The following TBC1D22A variants were observed in gnomAD, a reference collection of about 807,000 sequenced individuals.
TBC1D22A encodes TBC1 domain family member 22A, also known as putative GTPase activator.
A neutral mutation model predicts 60.2 loss-of-function variants in TBC1D22A; 38 were observed. The observed-to-expected ratio is 0.63, with a 90% CI of 0.49 to 0.83. The LOEUF is 0.83. Ranked by LOEUF, TBC1D22A falls within the 40% of genes least tolerant of loss-of-function variation. TBC1D22A has a pLI of 0.00. For synonymous variants in TBC1D22A, 302 were observed against 281.7 expected (o/e 1.07, Z -0.72); for missense variants, 628 against 701.0 (o/e 0.90, Z 1.18).
At chr22:46,888,102 T>C (rs905424518) in intron 5 of TBC1D22A, among the ~76,000 whole-genome samples, 2 of 152,232 alleles carry the variant, frequency 1.3e-5, no homozygotes, top group African/African-American at 2.4e-5. Flanking sequence ...AACTCCACAC[T>C]GTGCGCGTTC....
chr22:46,937,408 T>C (rs1303780302), intron 8 of TBC1D22A, among the ~76,000 whole-genome samples: 1 of 152,150 alleles, frequency 6.6e-6, no homozygotes, highest in Non-Finnish European at 1.5e-5. Flanking sequence ...CATTGTAATG[T>C]CTTAGCAGCA....
At chr22:47,132,372 CAG>C (rs1334210889) in intron 12 of TBC1D22A, among the ~76,000 whole-genome samples, 1 of 152,246 alleles carries the variant, frequency 6.6e-6, no homozygotes, top group Non-Finnish European at 1.5e-5. Context: ...AGAATGCAGC[CAG>C]AGAGAGCTTT....
chr22:46,794,818 G>T (rs193085527), intron 3 of TBC1D22A, among the ~76,000 whole-genome samples: 15 of 152,176 alleles, frequency 9.9e-5, no homozygotes, highest in South Asian at 2.1e-4. Flanking sequence ...GGAGGCAGGG[G>T]GTGAGGGGCA....
intron 10 of TBC1D22A, among the ~76,000 whole-genome samples, chr22:47,031,713 C>A (rs1393124450): frequency 6.6e-6 from 1 of 152,188 alleles, no homozygotes; most frequent in Non-Finnish European, 1.5e-5. Context: ...GACAGGTCCC[C>A]TCACCTGCCT....
intron 7 of TBC1D22A, among the ~76,000 whole-genome samples, chr22:46,909,527 G>A (rs1205590450): frequency 1.3e-5 from 2 of 152,206 alleles, no homozygotes; most frequent in Admixed American, 1.3e-4. Flanking sequence ...GATGTCAGTG[G>A]CCTCAGGCAC....
intron 1 of TBC1D22A, among the ~76,000 whole-genome samples, chr22:46,781,712 G>A (rs2083945531): frequency 6.6e-6 from 1 of 152,190 alleles, no homozygotes; most frequent in Non-Finnish European, 1.5e-5. Context: ...TCCCTGGCCT[G>A]CCCCGGAGTA....
At chr22:47,111,026 T>G (rs927889057) in intron 11 of TBC1D22A, among the ~76,000 whole-genome samples, 1 of 152,236 alleles carries the variant, frequency 6.6e-6, no homozygotes, top group Non-Finnish European at 1.5e-5. Flanking sequence ...ATTTCCCTGT[T>G]CATTTCCCAG....
In TBC1D22A at chr22:47,175,653, A is replaced by T. The variant is rs548042927; in HGVS notation, c.*2027A>T. 6.6e-6 allele frequency: 1 copy of T among 152,290 alleles called. No homozygotes were observed. Among genetic ancestry groups the T allele is most frequent in the East Asian group, 1.9e-4 (1 of 5,180 alleles). The allele number at this position is 152,290 out of a possible 1,614,324, so 9.4% of individuals were successfully genotyped here. A position where few individuals can be genotyped will look rare whatever the true frequency, so the allele number is the denominator to read the frequency against. ...GGAATGTTCGGGGTGTGCTGTCTGG[A>T]TGTGGTGCGCTAAAAACACGGAATA... On this transcript the variant is annotated 3_prime_UTR_variant, in exon 13 of 13. Transcript: ENST00000337137.
chr22:47,136,951 G>A (rs1489861078), intron 12 of TBC1D22A, among the ~76,000 whole-genome samples: 5 of 152,312 alleles, frequency 3.3e-5, no homozygotes, highest in Non-Finnish European at 7.3e-5. Context: ...GGGGCTGTGG[G>A]TGTCGCCAGC....
chr22:46,768,245 G>A (rs2146681620), intron 1 of TBC1D22A: 1 of 152,506 alleles, frequency 6.6e-6, no homozygotes, highest in South Asian at 2.1e-4. Flanking sequence ...AGCACTTTGG[G>A]AGGCTGAGGT....
chr22:46,811,505 G>A (rs1332205665), intron 4 of TBC1D22A, among the ~76,000 whole-genome samples: 4 of 152,326 alleles, frequency 2.6e-5, no homozygotes, highest in South Asian at 2.1e-4. Flanking sequence ...TCACTTAAGC[G>A]GAGAGTTGAG....
chr22:46,890,040 G>A (rs1459375641), intron 5 of TBC1D22A, among the ~76,000 whole-genome samples: 1 of 152,174 alleles, frequency 6.6e-6, no homozygotes, highest in East Asian at 1.9e-4. Context: ...AACCAACTGT[G>A]CTTCGAAAAT....
intron 4 of TBC1D22A, among the ~76,000 whole-genome samples, chr22:46,835,134 T>C (rs1006418814): frequency 6.6e-6 from 1 of 152,182 alleles, no homozygotes; most frequent in Admixed American, 6.5e-5. Context: ...TTGGAAGATC[T>C]TTCTCTTCTG....
At chr22:47,091,564 G>C (rs1451985808) in intron 11 of TBC1D22A, among the ~76,000 whole-genome samples, 1 of 149,680 alleles carries the variant, frequency 6.7e-6, no homozygotes, top group African/African-American at 2.5e-5. Context: ...CCTTGCGGAG[G>C]GGGTGGCTGC....
intron 4 of TBC1D22A, among the ~76,000 whole-genome samples, chr22:46,833,420 C>T (rs747818351): frequency 4.6e-5 from 7 of 152,184 alleles, no homozygotes; most frequent in Non-Finnish European, 1.0e-4. Context: ...CAGTTAGAAA[C>T]CAGCATGGCC....
chr22:47,072,708 A>T (rs761655812), intron 11 of TBC1D22A, among the ~76,000 whole-genome samples: 1 of 152,078 alleles, frequency 6.6e-6, no homozygotes, highest in Non-Finnish European at 1.5e-5. Flanking sequence ...AGCACATGGC[A>T]CCCCGATCCG....
chr22:47,171,135 T>A (rs948039248), intron 12 of TBC1D22A, among the ~76,000 whole-genome samples: 1 of 152,062 alleles, frequency 6.6e-6, no homozygotes, highest in African/African-American at 2.4e-5. Flanking sequence ...TGAAGAAGAG[T>A]GTGGCTTGGA....
At chr22:47,161,792 A>G (rs1298814305) in intron 12 of TBC1D22A, among the ~76,000 whole-genome samples, 2 of 152,184 alleles carry the variant, frequency 1.3e-5, no homozygotes, top group African/African-American at 2.4e-5. Context: ...CGACAGTGTG[A>G]GCTTGAGCTC....
intron 7 of TBC1D22A, among the ~76,000 whole-genome samples, chr22:46,897,640 G>GTTTTTTTTTTTTTTTTTTTTTTTTTTTT (rs1210846664): frequency 9.2e-6 from 1 of 108,380 alleles, no homozygotes; most frequent in African/African-American, 4.2e-5. Flanking sequence ...GTTTCGTTTT[G>GTTTTTTTTTTTTTTTTTTTTTTTTTTTT]TTTTTTTTTG....
Sources: gnomAD v4.1 joint callset for allele counts (sites outside exome capture counted in the v4.1 genomes callset) on GRCh38, gnomAD v4.1.1 for gene constraint, MANE v1.5 for transcripts, NCBI Gene and HGNC (gene_info 2026-07-23, HGNC 2026-07-21) for gene names.